Variants in BANK1 observed in about 807,000 individuals in gnomAD.
The protein encoded by BANK1 is B-cell scaffold protein with ankyrin repeats.
BANK1 carries 95 observed loss-of-function variants against 94.5 expected under a neutral mutation model. The ratio of observed to expected loss-of-function variants is 1.00; its 90% CI spans 0.85 to 1.19. The LOEUF is 1.19. Ranked by LOEUF, BANK1 falls within the 50% of genes most tolerant of loss-of-function variation. BANK1 has a pLI of 0.00. For synonymous variants in BANK1, 334 were observed against 308.4 expected (o/e 1.08, Z -0.87); for missense variants, 987 against 932.2 (o/e 1.06, Z -0.77).
At chr4:101,935,961 T>C (rs1252773803) in intron 7 of BANK1, among the ~76,000 whole-genome samples, 3 of 151,332 alleles carry the variant, frequency 2.0e-5, no homozygotes, top group African/African-American at 7.3e-5. Context: ...TATGAATCTA[T>C]TAAAAGAAAA....
At chr4:101,791,916 T>G (rs1362723224) in intron 1 of BANK1, among the ~76,000 whole-genome samples, 2 of 152,204 alleles carry the variant, frequency 1.3e-5, no homozygotes, top group Admixed American at 6.5e-5. Context: ...AACTTAATAT[T>G]ATTAATATTT....
intron 11 of BANK1, among the ~76,000 whole-genome samples, chr4:102,051,781 T>C (rs903270805): frequency 1.3e-5 from 2 of 152,064 alleles, no homozygotes; most frequent in African/African-American, 2.4e-5. Flanking sequence ...TTCCTTCCAG[T>C]TGAAAGTGGG....
chr4:101,801,804 C>A (rs1281096533), intron 1 of BANK1, among the ~76,000 whole-genome samples: 1 of 152,210 alleles, frequency 6.6e-6, no homozygotes, highest in African/African-American at 2.4e-5. Context: ...TTATGCATCA[C>A]AAATATTTTT....
At chr4:101,794,980 C>T (rs1036724234) in intron 1 of BANK1, among the ~76,000 whole-genome samples, 1 of 152,044 alleles carries the variant, frequency 6.6e-6, no homozygotes, top group African/African-American at 2.4e-5. Context: ...GCCTTGTTTT[C>T]ACATGTGTTC....
intron 10 of BANK1, among the ~76,000 whole-genome samples, chr4:102,040,299 A>G (rs1578473609): frequency 6.6e-6 from 1 of 152,128 alleles, no homozygotes; most frequent in African/African-American, 2.4e-5. Flanking sequence ...AGAAAATTTT[A>G]CAGAAGTCAT....
chr4:102,043,341 T>C (rs1261932882), intron 10 of BANK1, among the ~76,000 whole-genome samples: 1 of 152,084 alleles, frequency 6.6e-6, no homozygotes, highest in East Asian at 1.9e-4. Context: ...TAAGCTGTTT[T>C]AATAAGTCTG....
At chr4:102,007,537 A>G (rs1214602288) in intron 7 of BANK1, among the ~76,000 whole-genome samples, 1 of 152,082 alleles carries the variant, frequency 6.6e-6, no homozygotes, top group African/African-American at 2.4e-5. Flanking sequence ...TGAAGCCACA[A>G]ATTAAAATGA....
rs72929954 is a variant in BANK1, at chr4:102,011,360, A to G, written c.1207-10154A>G. ...TATGAAGATTAGAAATTATTTTCAC[A>G]AGTGACCGAAATCTACCTAATAAAT... On this transcript the variant is annotated intron_variant, in intron 7 of 16. Coordinates refer to ENST00000322953, the MANE Select transcript of BANK1 (RefSeq NM_017935.5). Among the ~76,000 whole-genome samples, 1,012 of 152,330 alleles carry G rather than the reference A, an allele frequency of 6.6e-3. 12 individuals are homozygous for G. Among genetic ancestry groups the G allele is most frequent in the African/African-American group, 0.023 (948 of 41,584 alleles).
At chr4:101,836,402 C>A (rs1215242826) in intron 2 of BANK1, among the ~76,000 whole-genome samples, 1 of 152,160 alleles carries the variant, frequency 6.6e-6, no homozygotes, top group East Asian at 1.9e-4. Flanking sequence ...ATCACTTAAA[C>A]CTGGGAGGCA....
chr4:101,906,097 G>A (rs932309042), intron 6 of BANK1, among the ~76,000 whole-genome samples: 4 of 152,240 alleles, frequency 2.6e-5, no homozygotes, highest in South Asian at 2.1e-4. Flanking sequence ...TGGGCATTGC[G>A]AGCAGCCTGA....
At chr4:101,799,138 G>A (rs138641783) in intron 1 of BANK1, among the ~76,000 whole-genome samples, 38,005 of 151,910 alleles carry the variant, frequency 0.25, 5,314 homozygotes, top group Non-Finnish European at 0.32. Flanking sequence ...TAATTTTTGT[G>A]TAAGGTGTAA....
At chr4:101,914,072 G>A (rs1408936080) in intron 6 of BANK1, among the ~76,000 whole-genome samples, 1 of 152,166 alleles carries the variant, frequency 6.6e-6, no homozygotes, top group Non-Finnish European at 1.5e-5. Flanking sequence ...GAACAACAGA[G>A]TAACTATTCA....
intron 7 of BANK1, among the ~76,000 whole-genome samples, chr4:101,990,505 T>C (rs938581135): frequency 3.2e-4 from 48 of 152,230 alleles, no homozygotes; most frequent in African/African-American, 1.2e-3. Flanking sequence ...AGCATTGTCA[T>C]TTGCAAACTT....
chr4:102,020,163 T>C (rs1338375842), intron 7 of BANK1, among the ~76,000 whole-genome samples: 1 of 151,068 alleles, frequency 6.6e-6, no homozygotes, highest in African/African-American at 2.4e-5. Context: ...AAACCATTGC[T>C]ACTAATAAAT....
chr4:101,878,886 A>G (rs1728581298), intron 5 of BANK1, among the ~76,000 whole-genome samples: 3 of 152,126 alleles, frequency 2.0e-5, no homozygotes, highest in African/African-American at 4.8e-5. Flanking sequence ...AAGGAAACTG[A>G]AAAATGTATT....
At chr4:102,059,039 C>G (rs1318780485) in intron 11 of BANK1, among the ~76,000 whole-genome samples, 1 of 152,172 alleles carries the variant, frequency 6.6e-6, no homozygotes, top group Non-Finnish European at 1.5e-5. Context: ...AGACATATAA[C>G]ATTTGCTATC....
intron 3 of BANK1, 91 bp from the exon 4 acceptor site, chr4:101,862,435 G>A: frequency 9.6e-6 from 10 of 1,038,216 alleles, no homozygotes; most frequent in East Asian, 2.7e-5. Context: ...CAATAATAGT[G>A]TATTACCTTA....
intron 1 of BANK1, among the ~76,000 whole-genome samples, chr4:101,796,297 T>G (rs1230619313): frequency 2.6e-5 from 4 of 152,154 alleles, no homozygotes; most frequent in Non-Finnish European, 4.4e-5. Context: ...AATTTCTCCT[T>G]ACATGAACTA....
chr4:101,800,137 G>T (rs540619448), intron 1 of BANK1, among the ~76,000 whole-genome samples: 2 of 21,112 alleles, frequency 9.5e-5, no homozygotes, highest in African/African-American at 1.6e-4. Context: ...GTTGTTGGGT[G>T]GGGGGAGGGG....
Sources: gnomAD v4.1 joint callset for allele counts (sites outside exome capture counted in the v4.1 genomes callset) on GRCh38, gnomAD v4.1.1 for gene constraint, MANE v1.5 for transcripts, NCBI Gene and HGNC (gene_info 2026-07-23, HGNC 2026-07-21) for gene names.